The following STAC variants were observed in gnomAD, a reference collection of about 807,000 sequenced individuals.
STAC encodes the protein SH3 and cysteine-rich domain-containing protein.
A neutral mutation model predicts 48.8 loss-of-function variants in STAC; 43 were observed. The ratio of observed to expected loss-of-function variants is 0.88; its 90% CI spans 0.69 to 1.14. STAC has a LOEUF of 1.14. Among genes scored for constraint, STAC ranks in the 50% most tolerant of loss-of-function variants. STAC has a pLI of 0.00. For missense variants in STAC, 497 were observed against 504.0 expected (o/e 0.99, Z 0.13); for synonymous variants, 193 against 179.5 (o/e 1.07, Z -0.60).
intron 1 of STAC, among the ~76,000 whole-genome samples, chr3:36,403,059 C>A (rs781450753): frequency 1.4e-4 from 22 of 152,184 alleles, no homozygotes; most frequent in Non-Finnish European, 2.5e-4. Flanking sequence ...TAATTGATAT[C>A]TTCAGAGAGA....
At chr3:36,478,650 A>G (rs1697557522) in intron 2 of STAC, among the ~76,000 whole-genome samples, 1 of 152,134 alleles carries the variant, frequency 6.6e-6, no homozygotes, top group South Asian at 2.1e-4. Flanking sequence ...ACACGTAACG[A>G]TGCCCGGCTA....
At chr3:36,417,957 G>A (rs1312339396) in intron 1 of STAC, among the ~76,000 whole-genome samples, 1 of 152,060 alleles carries the variant, frequency 6.6e-6, no homozygotes, top group African/African-American at 2.4e-5. Flanking sequence ...TATTTTTTAA[G>A]GCCAAATATT....
chr3:36,385,815 G>A (rs1463294651), intron 1 of STAC, among the ~76,000 whole-genome samples: 3 of 151,982 alleles, frequency 2.0e-5, no homozygotes, highest in Non-Finnish European at 2.9e-5. Flanking sequence ...TGCCATTGTA[G>A]GTAGCAATAG....
At chr3:36,453,805 A>G (rs1443997046) in intron 2 of STAC, among the ~76,000 whole-genome samples, 2 of 151,894 alleles carry the variant, frequency 1.3e-5, no homozygotes, top group Non-Finnish European at 2.9e-5. Context: ...ATGTCTGGCT[A>G]GGGGATTGTA....
At chr3:36,448,790 T>C (rs1034199082) in intron 2 of STAC, among the ~76,000 whole-genome samples, 2 of 151,908 alleles carry the variant, frequency 1.3e-5, no homozygotes, top group African/African-American at 4.8e-5. Flanking sequence ...GTTTCAGAAG[T>C]AAGCTCCACT....
At chr3:36,464,434 A>ATT (rs35713327) in intron 2 of STAC, among the ~76,000 whole-genome samples, 1 of 152,020 alleles carries the variant, frequency 6.6e-6, no homozygotes. Context: ...TTGTCAGATT[A>ATT]TTTTTAATTT....
At chr3:36,447,022 G>A (rs1696526443) in intron 2 of STAC, among the ~76,000 whole-genome samples, 1 of 152,154 alleles carries the variant, frequency 6.6e-6, no homozygotes, top group African/African-American at 2.4e-5. Flanking sequence ...TTTGTTGTGG[G>A]GAGTGCCCTC....
intron 8 of STAC, among the ~76,000 whole-genome samples, chr3:36,511,117 T>C (rs1322014952): frequency 6.6e-6 from 1 of 151,852 alleles, no homozygotes; most frequent in African/African-American, 2.4e-5. Context: ...TCTAAACCAT[T>C]CTCTTACCAC....
intron 8 of STAC, among the ~76,000 whole-genome samples, chr3:36,514,826 G>C (rs1250930795): frequency 6.6e-6 from 1 of 152,108 alleles, no homozygotes; most frequent in Non-Finnish European, 1.5e-5. Flanking sequence ...CCTGAGGTCA[G>C]GAGTTGGAGA....
intron 1 of STAC, among the ~76,000 whole-genome samples, chr3:36,427,040 A>C (rs1256647145): frequency 2.0e-5 from 3 of 152,192 alleles, no homozygotes; most frequent in Non-Finnish European, 4.4e-5. Context: ...ACCCCAGCTA[A>C]GGCCTAACCC....
At chr3:36,418,935 T>A (rs182307425) in intron 1 of STAC, among the ~76,000 whole-genome samples, 13 of 150,898 alleles carry the variant, frequency 8.6e-5, no homozygotes, top group Non-Finnish European at 1.3e-4. Flanking sequence ...TACTCCCAGC[T>A]ACCCGGGAGG....
intron 6 of STAC, among the ~76,000 whole-genome samples, chr3:36,503,560 A>G (rs1047601716): frequency 6.6e-6 from 1 of 152,084 alleles, no homozygotes; most frequent in Non-Finnish European, 1.5e-5. Flanking sequence ...CAGCCTCCCA[A>G]GTAGCTGGGA....
In STAC at chr3:36,400,762, A is replaced by T. The variant is rs1699985605; in HGVS notation, c.111+20008A>T. Among the ~76,000 whole-genome samples, 5 of 152,178 alleles carry T rather than the reference A, an allele frequency of 3.3e-5. No homozygotes were observed. The South Asian group carries it at 1.0e-3, about 32-fold the overall frequency. ...CAGACTTTGAGCACCACTGCCATAG[A>T]AGTAAATACCTACTCTGAGTGCCTG... On this transcript the variant is annotated intron_variant, in intron 1 of 10. Coordinates refer to ENST00000273183, the MANE Select transcript of STAC (RefSeq NM_003149.3).
intron 1 of STAC, among the ~76,000 whole-genome samples, chr3:36,397,574 A>C (rs1016861258): frequency 6.6e-6 from 1 of 152,242 alleles, no homozygotes; most frequent in Non-Finnish European, 1.5e-5. Flanking sequence ...GTTTACAAAA[A>C]TAAAGCATAC....
intron 10 of STAC, among the ~76,000 whole-genome samples, chr3:36,536,123 T>C (rs1203343763): frequency 6.6e-6 from 1 of 152,174 alleles, no homozygotes; most frequent in Non-Finnish European, 1.5e-5. Flanking sequence ...TGGTAGGCTA[T>C]TTGTTACTGC....
intron 2 of STAC, among the ~76,000 whole-genome samples, chr3:36,454,978 G>T (rs1421097169): frequency 6.6e-6 from 1 of 152,252 alleles, no homozygotes; most frequent in East Asian, 1.9e-4. Flanking sequence ...CCTAAAAAGA[G>T]ACTTGTATTG....
In STAC at chr3:36,443,530, C is replaced by T. The variant is rs149366291; in HGVS notation, c.278C>T (p.Thr93Met). 38 of 1,614,236 alleles carry T rather than the reference C, an allele frequency of 2.4e-5. No homozygotes were observed. The highest frequency in any genetic ancestry group is 2.1e-4 in the African/African-American group (16 of 75,068). ...CCACTCCCTGCTCCAGGAAGCCTGA[C>T]GTCCACACCCGCCAGGGCTGGTCTG... ...SSPLPAPGSL[T>M]STPARAGLHP... The change falls in exon 2 of 11, where the codon ACG becomes ATG. Residue 93 changes from threonine to methionine, a missense_variant. Transcript: ENST00000273183. The surrounding 1 kb of genome is among the most constrained non-coding windows in gnomAD (Gnocchi z 4.2).
At chr3:36,403,948 T>G (rs1186097652) in intron 1 of STAC, among the ~76,000 whole-genome samples, 2 of 152,188 alleles carry the variant, frequency 1.3e-5, no homozygotes, top group Non-Finnish European at 2.9e-5. Flanking sequence ...CAAAGCAATT[T>G]TGCACAGTGA....
At chr3:36,439,590 T>C (rs1457790725) in intron 1 of STAC, among the ~76,000 whole-genome samples, 1 of 152,156 alleles carries the variant, frequency 6.6e-6, no homozygotes, top group Non-Finnish European at 1.5e-5. Context: ...TTCTTTACCT[T>C]CCTGTTCATT....
Sources: gnomAD v4.1 joint callset for allele counts (sites outside exome capture counted in the v4.1 genomes callset) on GRCh38, gnomAD v4.1.1 for gene constraint, Gnocchi (gnomAD v3.1) non-coding constraint, MANE v1.5 for transcripts, NCBI Gene and HGNC (gene_info 2026-07-23, HGNC 2026-07-21) for gene names.